The following KIFAP3 variants were observed in gnomAD, a reference collection of about 807,000 sequenced individuals.
The protein encoded by KIFAP3 is kinesin-associated protein 3.
Under a neutral mutation model 106.5 loss-of-function variants are expected in KIFAP3, and 68 were observed. The ratio of observed to expected loss-of-function variants is 0.64; its 90% CI spans 0.53 to 0.78. The LOEUF (loss-of-function observed/expected upper bound fraction) is 0.78, where lower values mean the gene tolerates loss of function less well. KIFAP3 is among the 30% of genes least tolerant of loss of function. KIFAP3 has a pLI of 0.00. For missense variants in KIFAP3, 780 were observed against 941.8 expected (o/e 0.83, Z 2.25); for synonymous variants, 320 against 311.5 (o/e 1.03, Z -0.29).
At chr1:169,990,719 C>T (rs1355002292) in intron 11 of KIFAP3, among the ~76,000 whole-genome samples, 1 of 151,694 alleles carries the variant, frequency 6.6e-6, no homozygotes, top group Non-Finnish European at 1.5e-5. Flanking sequence ...ACATACAGTC[C>T]ATGTTACAAA....
chr1:170,039,285 T>C lies in KIFAP3; in HGVS notation c.323A>G (p.Lys108Arg), dbSNP rs1415414271. 1.3e-6 allele frequency: 2 copies of C among 1,592,342 alleles called. No individual in the cohort carries two copies. The highest frequency in any genetic ancestry group is 4.5e-5 in the East Asian group (2 of 44,670). The change falls in exon 4 of 20, where the codon AAA becomes AGA. Residue 108 changes from lysine (K) to arginine (R), a missense_variant. By Grantham distance (26) the Lys-to-Arg change is conservative. Around this residue, in one of 3 missense-constraint regions of KIFAP3, gnomAD observed 588 missense variants for 678.9 expected, o/e 0.87. Transcript: ENST00000361580. ...NRRDSLSGKE[K>R]KEKSSKPKDP... The stretch of plus-strand genomic sequence containing the variant: ...TTTAGGCTTGCTTGATTTTTCTTTT[T>C]TCTCTGTAAAAAGATTTTTTTTTAA...
intron 10 of KIFAP3, among the ~76,000 whole-genome samples, chr1:169,993,385 C>T (rs993802557): frequency 7.9e-5 from 12 of 151,686 alleles, no homozygotes; most frequent in Admixed American, 2.6e-4. Context: ...GCTGGGATTA[C>T]AGGCGTGAGC....
chr1:170,058,567 T>C (rs1250025077), intron 1 of KIFAP3, among the ~76,000 whole-genome samples: 1 of 152,158 alleles, frequency 6.6e-6, no homozygotes, highest in Non-Finnish European at 1.5e-5. Context: ...TATTCACTGC[T>C]CATATGTCTC....
At chr1:169,942,025 A>G (rs1370416023) in intron 19 of KIFAP3, among the ~76,000 whole-genome samples, 1 of 36,216 alleles carries the variant, frequency 2.8e-5, no homozygotes, top group African/African-American at 1.7e-4. Flanking sequence ...AAGATGGTAT[A>G]GTGTGTGTTA....
chr1:170,031,228 T>TA (rs1356867017), intron 8 of KIFAP3, among the ~76,000 whole-genome samples: 1 of 151,722 alleles, frequency 6.6e-6, no homozygotes, highest in Non-Finnish European at 1.5e-5. Flanking sequence ...TTCAAATATT[T>TA]AAAAAACTCA....
chr1:169,924,822 C>A (rs1253721121), intron 19 of KIFAP3, among the ~76,000 whole-genome samples: 2 of 152,098 alleles, frequency 1.3e-5, no homozygotes, highest in Non-Finnish European at 2.9e-5. Context: ...CATGTAAGTT[C>A]TTGAAAGAGA....
intron 19 of KIFAP3, among the ~76,000 whole-genome samples, chr1:169,928,046 C>T (rs1402147147): frequency 6.6e-6 from 1 of 152,026 alleles, no homozygotes; most frequent in African/African-American, 2.4e-5. Context: ...CAGAGGGGTA[C>T]TGGCAGAAAT....
Position 170,014,665 on chromosome 1 carries a change from T to C in KIFAP3, c.1183+1797A>G, listed in dbSNP as rs538799893. ...AGTATCAACATTTTACTGAAATAAA[T>C]TGAAATGCATATTCAAGAGAGTAAA... On this transcript the variant is annotated intron_variant, in intron 10 of 19. Transcript: ENST00000361580. 1.5e-3 allele frequency among the ~76,000 whole-genome samples: 225 copies of C among 152,254 alleles called. 2 individuals carry two copies. The highest frequency in any genetic ancestry group is 2.8e-3 in the Non-Finnish European group (189 of 67,988).
chr1:170,005,116 A>G (rs1186392646), intron 10 of KIFAP3, among the ~76,000 whole-genome samples: 1 of 151,632 alleles, frequency 6.6e-6, no homozygotes, highest in African/African-American at 2.4e-5. Context: ...AATGCTCATC[A>G]TCACTGGCCA....
intron 2 of KIFAP3, among the ~76,000 whole-genome samples, chr1:170,049,541 G>A (rs2102098812): frequency 6.6e-6 from 1 of 152,330 alleles, no homozygotes; most frequent in African/African-American, 2.4e-5. Flanking sequence ...TCCTGACTGG[G>A]AGAGACCTCC....
chr1:170,011,534 T>C (rs910093592), intron 10 of KIFAP3, among the ~76,000 whole-genome samples: 11 of 151,960 alleles, frequency 7.2e-5, no homozygotes, highest in African/African-American at 2.6e-4. Flanking sequence ...TATATTGACA[T>C]GTGAATATAC....
chr1:170,078,217 T>A (rs921429315), upstream of KIFAP3, among the ~76,000 whole-genome samples: 2 of 152,284 alleles, frequency 1.3e-5, no homozygotes, highest in African/African-American at 4.8e-5. Flanking sequence ...TATTTTGTTT[T>A]TTTTTTAAAT....
At chr1:170,062,968 A>C (rs1355130020) in intron 1 of KIFAP3, among the ~76,000 whole-genome samples, 1 of 152,096 alleles carries the variant, frequency 6.6e-6, no homozygotes, top group East Asian at 1.9e-4. Flanking sequence ...CAGTGAGAGA[A>C]ATCTAACCTT....
Position 170,016,585 on chromosome 1 carries a change from G to T in KIFAP3, c.1060C>A (p.Pro354Thr). The T allele has an allele frequency of 6.3e-7, 1 of 1,596,616 alleles. No individual in the cohort carries two copies. The change falls in exon 10 of 20, where the codon CCT becomes ACT. Residue 354 changes from proline to threonine, a missense_variant. Coordinates refer to ENST00000361580, the MANE Select transcript of KIFAP3 (RefSeq NM_014970.4). ...TTCAGCAGGTCTTCATGCTCACAAG[G>T]TATCATTTTCACCAGTTTTTCAACA... is the stretch of plus-strand genomic sequence containing the variant. ...DIVEKLVKMI[P>T]CEHEDLLNIT...
intron 10 of KIFAP3, among the ~76,000 whole-genome samples, chr1:170,005,854 C>T (rs2474706): frequency 0.94 from 141,555 of 151,126 alleles, 66,375 homozygotes; most frequent in East Asian, 1. Flanking sequence ...ACTTAAAGTA[C>T]AATAATAATA....
intron 1 of KIFAP3, among the ~76,000 whole-genome samples, chr1:170,067,324 G>A (rs1299958213): frequency 6.6e-6 from 1 of 152,116 alleles, no homozygotes; most frequent in Non-Finnish European, 1.5e-5. Context: ...CGGCAGAGTA[G>A]GGACCTCTAG....
chr1:170,051,784 C>T (rs1370944818), intron 2 of KIFAP3, among the ~76,000 whole-genome samples: 1 of 152,136 alleles, frequency 6.6e-6, no homozygotes, highest in African/African-American at 2.4e-5. Context: ...TAAAGAAGTT[C>T]TTTGAAACCA....
chr1:169,998,736 T>G (rs921029025), intron 10 of KIFAP3, among the ~76,000 whole-genome samples: 4 of 152,212 alleles, frequency 2.6e-5, no homozygotes, highest in Non-Finnish European at 5.9e-5. Context: ...TCTAGTTCTA[T>G]CCTACAGTTA....
At chr1:169,948,504 C>T (rs1664561892) in intron 19 of KIFAP3, among the ~76,000 whole-genome samples, 1 of 145,588 alleles carries the variant, frequency 6.9e-6, no homozygotes, top group Admixed American at 6.7e-5. Context: ...AGGTTTTTAG[C>T]AATTAGGTTA....
Sources: gnomAD v4.1 joint callset for allele counts (sites outside exome capture counted in the v4.1 genomes callset) on GRCh38, gnomAD v4.1.1 for gene constraint, gnomAD v4.1.1 regional missense constraint, MANE v1.5 for transcripts, NCBI Gene and HGNC (gene_info 2026-07-23, HGNC 2026-07-21) for gene names.